The following ZC2HC1A variants were observed in gnomAD, a reference collection of about 807,000 sequenced individuals.
ZC2HC1A encodes zinc finger C2HC domain-containing protein 1A.
Under a neutral mutation model 40.7 loss-of-function variants are expected in ZC2HC1A, and 28 were observed. The ratio of observed to expected loss-of-function variants is 0.69; its 90% CI spans 0.51 to 0.94. ZC2HC1A has a LOEUF of 0.94. ZC2HC1A is among the 40% of genes least tolerant of loss of function. The probability of loss-of-function intolerance (pLI) is 0.00; values close to 1 mark genes in which losing one functional copy is unlikely to be tolerated. For missense variants in ZC2HC1A, 389 were observed against 386.3 expected (o/e 1.01, Z -0.06); for synonymous variants, 129 against 129.2 (o/e 1.00, Z 0.01).
At chr8:78,696,283 C>T (rs1810411106) in intron 5 of ZC2HC1A, among the ~76,000 whole-genome samples, 1 of 152,158 alleles carries the variant, frequency 6.6e-6, no homozygotes, top group Non-Finnish European at 1.5e-5. Flanking sequence ...ATCCACCTGC[C>T]TCGGCCTTCC....
intron 8 of ZC2HC1A, among the ~76,000 whole-genome samples, chr8:78,717,123 C>T (rs751319222): frequency 2.0e-5 from 3 of 151,712 alleles, no homozygotes; most frequent in South Asian, 4.2e-4. Context: ...GGTAAATTCT[C>T]GTAACACAGA....
chr8:78,673,056 C>G, intron 1 of ZC2HC1A, among the ~76,000 whole-genome samples: 1 of 152,020 alleles, frequency 6.6e-6, no homozygotes, highest in East Asian at 1.9e-4. Context: ...TTAATGCTCT[C>G]CCTCCTTTTG....
chr8:78,698,352 A>G (rs1810497446), intron 6 of ZC2HC1A, 62 bp from the exon 7 acceptor site: 1 of 1,316,438 alleles, frequency 7.6e-7, no homozygotes, highest in Non-Finnish European at 1.1e-6. Context: ...CCTTTGTTAG[A>G]TGCTCTGTTT....
intron 1 of ZC2HC1A, among the ~76,000 whole-genome samples, chr8:78,668,011 T>G (rs1369165790): frequency 6.6e-6 from 1 of 152,100 alleles, no homozygotes; most frequent in Non-Finnish European, 1.5e-5. Flanking sequence ...TGTGTTTAAT[T>G]GTGATAAACT....
At chr8:78,680,001 C>A (rs533974557) in intron 3 of ZC2HC1A, among the ~76,000 whole-genome samples, 28 of 152,206 alleles carry the variant, frequency 1.8e-4, no homozygotes, top group African/African-American at 6.5e-4. Context: ...GCTCAAGAGT[C>A]AGACTGTCTG....
At chr8:78,688,652 T>G (rs531007257) in intron 4 of ZC2HC1A, among the ~76,000 whole-genome samples, 94 of 152,294 alleles carry the variant, frequency 6.2e-4, no homozygotes, top group Admixed American at 1.6e-3. Flanking sequence ...TATTTTATCT[T>G]GGAAACATTT....
chr8:78,692,243 T>A lies in ZC2HC1A; in HGVS notation c.504+2870T>A, dbSNP rs147703863. Among the ~76,000 whole-genome samples the A allele has an allele frequency of 5.9e-3, 899 of 152,308 alleles. 9 individuals are homozygous for A. The highest frequency in any genetic ancestry group is 0.02 in the African/African-American group (843 of 41,566). The stretch of plus-strand genomic sequence containing the variant: ...GTACTACCATTCAGTTCTCTGCTGC[T>A]TAGAGTTCCATTGTTTTAGATTCTA... On this transcript the variant is annotated intron_variant, in intron 5 of 8. Transcript: ENST00000263849.
chr8:78,705,724 G>C (rs1810752043), intron 7 of ZC2HC1A, among the ~76,000 whole-genome samples: 1 of 152,188 alleles, frequency 6.6e-6, no homozygotes, highest in South Asian at 2.1e-4. Context: ...CACCCTGTGG[G>C]AGTTCTATCC....
intron 2 of ZC2HC1A, among the ~76,000 whole-genome samples, 191 bp from the exon 3 acceptor site, chr8:78,678,372 G>A (rs1809652536): frequency 6.6e-6 from 1 of 152,104 alleles, no homozygotes; most frequent in Non-Finnish European, 1.5e-5. Flanking sequence ...ATAACTTAGA[G>A]CGTGCATTAT....
At chr8:78,712,002 G>A (rs1299141279) in intron 7 of ZC2HC1A, 3 of 1,289,620 alleles carry the variant, frequency 2.3e-6, no homozygotes, top group Non-Finnish European at 1.0e-6. Context: ...ATATGGACAA[G>A]TTAGGCCCTC....
In ZC2HC1A at chr8:78,717,404, C is replaced by T; in HGVS notation, c.889C>T (p.Pro297Ser). ...GIEGHSPGNL[P>S]KFCHECGTKY... The stretch of plus-strand genomic sequence containing the variant: ...TGAAGGACATTCACCTGGAAACTTA[C>T]CAAAATTCTGCCATGAGTGTGGGAC... The change falls in exon 9 of 9, where the codon CCA becomes TCA. Residue 297 changes from proline (P) to serine (S), a missense_variant. Coordinates refer to ENST00000263849, the MANE Select transcript of ZC2HC1A (RefSeq NM_016010.3). The T allele has an allele frequency of 1.9e-6, 3 of 1,613,416 alleles. No homozygotes were observed. Among genetic ancestry groups the T allele is most frequent in the Non-Finnish European group, 1.7e-6 (2 of 1,179,818 alleles).
chr8:78,701,305 G>A (rs997268026), intron 7 of ZC2HC1A, among the ~76,000 whole-genome samples: 2 of 152,136 alleles, frequency 1.3e-5, no homozygotes, highest in Non-Finnish European at 2.9e-5. Flanking sequence ...GCTGTTATTA[G>A]TGTATAGGAA....
chr8:78,719,026 G>A lies in ZC2HC1A; in HGVS notation c.*1533G>A, dbSNP rs182441135. 1 of 151,774 alleles carries A rather than the reference G, an allele frequency of 6.6e-6. No homozygotes were observed. The highest frequency in any genetic ancestry group is 6.6e-5 in the Admixed American group (1 of 15,264). 9.4% of individuals were successfully genotyped at this position (151,774 alleles called of 1,614,324 possible). ...TTACTTACAGTTTATTTCCTGATTA[G>A]TTGTTAATTTTTTTCCCCTCAGTTA... On this transcript the variant is annotated 3_prime_UTR_variant, in exon 9 of 9. Coordinates refer to ENST00000263849, the MANE Select transcript of ZC2HC1A (RefSeq NM_016010.3).
intron 7 of ZC2HC1A, among the ~76,000 whole-genome samples, chr8:78,703,293 T>A (rs1343529618): frequency 6.6e-6 from 1 of 152,216 alleles, no homozygotes; most frequent in Admixed American, 6.5e-5. Flanking sequence ...CAGGTCCATT[T>A]GATCCAGTGC....
chr8:78,708,686 T>A (rs1484121691), intron 7 of ZC2HC1A, among the ~76,000 whole-genome samples: 2 of 150,402 alleles, frequency 1.3e-5, no homozygotes, highest in African/African-American at 2.4e-5. Context: ...TTTTTTTCTT[T>A]TTTTTTTTTT....
chr8:78,717,124 G>A (rs147808240), intron 8 of ZC2HC1A, among the ~76,000 whole-genome samples: 9 of 151,698 alleles, frequency 5.9e-5, no homozygotes, highest in Non-Finnish European at 8.8e-5. Flanking sequence ...GTAAATTCTC[G>A]TAACACAGAT....
At chr8:78,703,536 CT>C (rs35710652) in intron 7 of ZC2HC1A, among the ~76,000 whole-genome samples, 5,622 of 139,656 alleles carry the variant, frequency 0.04, 325 homozygotes, top group African/African-American at 0.14. Context: ...TAATACCCTT[CT>C]TTTTTTTTTT....
intron 3 of ZC2HC1A, among the ~76,000 whole-genome samples, chr8:78,680,095 T>G (rs1412464483): frequency 6.6e-6 from 1 of 152,022 alleles, no homozygotes; most frequent in African/African-American, 2.4e-5. Context: ...TGTAACATGG[T>G]GATAGTAGTA....
chr8:78,705,149 G>C (rs1192143847), intron 7 of ZC2HC1A, among the ~76,000 whole-genome samples: 1 of 152,218 alleles, frequency 6.6e-6, no homozygotes, highest in Non-Finnish European at 1.5e-5. Flanking sequence ...TTCTCAGCCT[G>C]ATTCCTGTTG....
Sources: gnomAD v4.1 joint callset for allele counts (sites outside exome capture counted in the v4.1 genomes callset) on GRCh38, gnomAD v4.1.1 for gene constraint, MANE v1.5 for transcripts, NCBI Gene and HGNC (gene_info 2026-07-23, HGNC 2026-07-21) for gene names.